The following LARGE1 variants were observed in gnomAD, a reference collection of about 807,000 sequenced individuals.
LARGE1 encodes the protein xylosyl- and glucuronyltransferase LARGE1.
A neutral mutation model predicts 87.6 loss-of-function variants in LARGE1; 43 were observed. The observed-to-expected ratio is 0.49, with a 90% confidence interval of 0.38 to 0.63. The LOEUF is 0.63. LARGE1 is among the 30% of genes least tolerant of loss of function. The pLI is 0.00. For missense variants in LARGE1, 802 were observed against 1,000.2 expected, an observed-to-expected ratio of 0.80 and a Z score of 2.67; for synonymous variants, 434 against 394.6, an observed-to-expected ratio of 1.10 and a Z score of -1.18.
At chr22:33,498,862 C>T (rs1293521735) in intron 6 of LARGE1, among the ~76,000 whole-genome samples, 1 of 152,022 alleles carries the variant, frequency 6.6e-6, no homozygotes, top group Non-Finnish European at 1.5e-5. Flanking sequence ...GTCCCAGCTA[C>T]TTGGGAAGCT....
rs747349175 is a variant in LARGE1 at position 33,745,297 on chromosome 22, G to A, written c.106+16074C>T. 1.1e-4 allele frequency among the ~76,000 whole-genome samples: 17 copies of A among 152,126 alleles called. 1 individual carries two copies. The highest frequency in any genetic ancestry group is 2.4e-4 in the Non-Finnish European group (16 of 68,032). On this transcript the variant is annotated intron_variant, in intron 2 of 14. Coordinates refer to ENST00000397394, the MANE Select transcript of LARGE1 (RefSeq NM_133642.5). ...AAGAGCTATTAGGAAGAAGACTGGTGAGAGCAAAATGAAAAAATTTTGTAA... is the reference window on the plus strand; with the variant it reads ...AAGAGCTATTAGGAAGAAGACTGGTAAGAGCAAAATGAAAAAATTTTGTAA...
intron 2 of LARGE1, among the ~76,000 whole-genome samples, chr22:33,747,044 T>G (rs535614701): frequency 2.0e-5 from 3 of 152,150 alleles, no homozygotes; most frequent in Admixed American, 6.5e-5. Flanking sequence ...TGGAAGTCTA[T>G]ATATTAAACA....
chr22:33,787,625 G>A (rs1285183957), intron 1 of LARGE1, among the ~76,000 whole-genome samples: 1 of 152,130 alleles, frequency 6.6e-6, no homozygotes, highest in East Asian at 1.9e-4. Context: ...CAATCAGAAT[G>A]AGAAAAATCA....
Position 33,352,135 on chromosome 22 carries a change from T to C in LARGE1, c.1132-14334A>G, listed in dbSNP as rs79326876. Among the ~76,000 whole-genome samples, 1,011 of 152,330 alleles carry C rather than the reference T, an allele frequency of 6.6e-3. 9 individuals carry two copies. Among genetic ancestry groups the C allele is most frequent in the African/African-American group, 0.023 (948 of 41,560 alleles). ...AGTAATGTTATATGTGGGCATCATG[T>C]ACCTCCTGACACAATGTGAGGAGGA... On this transcript the variant is annotated intron_variant, in intron 9 of 14. Transcript: ENST00000397394.
At chr22:33,425,553 G>C (rs2066846821) in intron 7 of LARGE1, among the ~76,000 whole-genome samples, 2 of 152,162 alleles carry the variant, frequency 1.3e-5, no homozygotes, top group Admixed American at 1.3e-4. Flanking sequence ...AAAGAAAGTA[G>C]GGAGTAGACA....
chr22:33,837,329 A>G (rs1355719013), intron 1 of LARGE1, among the ~76,000 whole-genome samples: 3 of 136,976 alleles, frequency 2.2e-5, no homozygotes, highest in Admixed American at 2.0e-4. Context: ...CAGGATATAT[A>G]CACACACACA....
At chr22:33,196,930 A>C (rs1348633095) in intron 11 of LARGE1, among the ~76,000 whole-genome samples, 1 of 152,184 alleles carries the variant, frequency 6.6e-6, no homozygotes, top group African/African-American at 2.4e-5. Context: ...ACATACATAC[A>C]ACATACTAGC....
intron 6 of LARGE1, among the ~76,000 whole-genome samples, chr22:33,499,704 T>G (rs1339042366): frequency 6.6e-6 from 1 of 152,192 alleles, no homozygotes; most frequent in Non-Finnish European, 1.5e-5. Flanking sequence ...TAAGCTCCTC[T>G]GTCAGTTCCT....
rs578115819 is a variant in LARGE1 at position 33,187,921 on chromosome 22, CAAAAAAAAAAAAAAAAAAA to C, written c.1731-21108_1731-21090del. On this transcript the variant is annotated intron_variant, in intron 11 of 11. Coordinates refer to the LARGE1 transcript ENST00000608642. ...TGGGCAACAGAGTGAGACTCCGTCTCAAAAAAAAAAAAAAAAAAAAAAAAAAAAAAAAAAAAAAATCACT... is the reference window on the plus strand; with the variant it reads ...TGGGCAACAGAGTGAGACTCCGTCTCAAAAAAAAAAAAAAAAAAAATCACT... 4.9e-3 allele frequency among the ~76,000 whole-genome samples: 180 copies of C among 36,914 alleles called. 3 individuals are homozygous for C. In the East Asian group the frequency reaches 0.21, roughly 43 times the overall value. The allele number at this position is 36,914 out of a possible 152,430, so 24.2% of individuals were successfully genotyped here. A position where few individuals can be genotyped will look rare whatever the true frequency, so the allele number is the denominator to read the frequency against.
At chr22:33,448,926 G>A (rs1160081094) in intron 6 of LARGE1, among the ~76,000 whole-genome samples, 4 of 152,072 alleles carry the variant, frequency 2.6e-5, no homozygotes, top group Non-Finnish European at 5.9e-5. Context: ...ACCCGCTCCA[G>A]GCAACCACTG....
intron 6 of LARGE1, among the ~76,000 whole-genome samples, chr22:33,449,534 T>C (rs1378048182): frequency 6.6e-6 from 1 of 152,228 alleles, no homozygotes; most frequent in Non-Finnish European, 1.5e-5. Context: ...AAAGATGGTA[T>C]GTACTGCCAG....
rs536488664 is a variant in LARGE1, at chr22:33,841,365, T to C, written c.-83+78630A>G. Among the ~76,000 whole-genome samples, 28 of 152,262 alleles carry C rather than the reference T, an allele frequency of 1.8e-4. No individual in the cohort carries two copies. In the South Asian group the frequency reaches 3.5e-3, roughly 19 times the overall value. On this transcript the variant is annotated intron_variant, in intron 1 of 14. Coordinates refer to ENST00000397394, the MANE Select transcript of LARGE1 (RefSeq NM_133642.5). ...ACTGAATAGTTCACAATCTGTAAGG[T>C]CCAGAGGTGAATCTACCCTGTGGCA... is the stretch of plus-strand genomic sequence containing the variant.
rs2080162942 is a variant in LARGE1, at chr22:33,633,210, G to A, written c.409-6884C>T. On this transcript the variant is annotated intron_variant, in intron 3 of 14. Transcript: ENST00000397394. ...TGGAGGCAATTTGATAGTTAACCAG[G>A]AGATCCCACAGGAGAATGAGAGGCT... is the stretch of plus-strand genomic sequence containing the variant. Among the ~76,000 whole-genome samples, 8 of 152,252 alleles carry A rather than the reference G, an allele frequency of 5.3e-5. No individual in the cohort carries two copies. In the South Asian group the frequency reaches 1.7e-3, roughly 32 times the overall value.
chr22:33,360,630 C>T (rs898218811), intron 9 of LARGE1, among the ~76,000 whole-genome samples: 1 of 149,626 alleles, frequency 6.7e-6, no homozygotes, highest in Non-Finnish European at 1.5e-5. Flanking sequence ...AAGCACCTCC[C>T]AGCAGGCCCC....
chr22:33,779,805 A>G (rs536954582), intron 1 of LARGE1, among the ~76,000 whole-genome samples: 2 of 132,050 alleles, frequency 1.5e-5, no homozygotes, highest in African/African-American at 5.0e-5. Flanking sequence ...TTAAAAAAAA[A>G]TTAAAAAAAG....
chr22:33,590,509 T>G (rs1303211601), intron 5 of LARGE1, among the ~76,000 whole-genome samples: 1 of 152,208 alleles, frequency 6.6e-6, no homozygotes, highest in Non-Finnish European at 1.5e-5. Context: ...AGCAGTCACT[T>G]TATAAAACAA....
At chr22:33,443,840 C>G (rs374623623) in intron 6 of LARGE1, among the ~76,000 whole-genome samples, 2 of 152,228 alleles carry the variant, frequency 1.3e-5, no homozygotes, top group African/African-American at 4.8e-5. Flanking sequence ...GGCTCTCTTC[C>G]AAGGCTGCTT....
At chr22:33,459,753 A>G (rs2068296039) in intron 6 of LARGE1, among the ~76,000 whole-genome samples, 1 of 151,512 alleles carries the variant, frequency 6.6e-6, no homozygotes, top group South Asian at 2.1e-4. Flanking sequence ...CCCAAAAACA[A>G]TGTAGGTAAG....
rs376901917 is a variant in LARGE1 at position 33,729,580 on chromosome 22, C to T, written c.106+31791G>A. On this transcript the variant is annotated intron_variant, in intron 2 of 14. Coordinates refer to ENST00000397394, the MANE Select transcript of LARGE1 (RefSeq NM_133642.5). Reference sequence around the variant, plus strand: ...TGACTCTGGTCTGCTTCAAAGTAGCCACATTAGGAGGCTTTTCATTTACTT... The same window carrying T: ...TGACTCTGGTCTGCTTCAAAGTAGCTACATTAGGAGGCTTTTCATTTACTT... 1.1e-4 allele frequency among the ~76,000 whole-genome samples: 17 copies of T among 152,290 alleles called. No individual in the cohort carries two copies. In the East Asian group the frequency reaches 2.7e-3, roughly 24 times the overall value.
Sources: allele counts gnomAD v4.1 joint callset (sites outside exome capture counted in the v4.1 genomes callset), GRCh38; gene constraint gnomAD v4.1.1; transcripts MANE v1.5; gene names NCBI Gene and HGNC (gene_info 2026-07-23, HGNC 2026-07-21).